The following DCTN4 variants were observed in gnomAD, a reference collection of about 807,000 sequenced individuals.
DCTN4 encodes dynactin 4 (p62).
Under a neutral mutation model 62.7 loss-of-function variants are expected in DCTN4, and 23 were observed. The observed-to-expected ratio is 0.37, with a 90% CI of 0.26 to 0.52. The LOEUF is 0.52. DCTN4 is among the 20% of genes least tolerant of loss of function. DCTN4 has a pLI of 0.92. For synonymous variants in DCTN4, 199 were observed against 202.1 expected, an observed-to-expected ratio of 0.98 and a Z score of 0.13; for missense variants, 514 against 580.4, an observed-to-expected ratio of 0.89 and a Z score of 1.18.
rs187542630 is a variant in DCTN4, at chr5:150,753,942, A to G, written c.207-285T>C. On this transcript the variant is annotated intron_variant, in intron 2 of 12. Coordinates refer to ENST00000447998, the MANE Select transcript of DCTN4 (RefSeq NM_016221.4). ...CCAGACTCTTTTTATGCTTATATTGATCACAAAGATTTCTGAGGAAGAGAA... is the reference window on the plus strand; with the variant it reads ...CCAGACTCTTTTTATGCTTATATTGGTCACAAAGATTTCTGAGGAAGAGAA... 6.6e-4 allele frequency among the ~76,000 whole-genome samples: 101 copies of G among 152,350 alleles called. 1 individual carries two copies. The highest frequency in any genetic ancestry group is 2.3e-3 in the African/African-American group (95 of 41,578).
intron 1 of DCTN4, chr5:150,758,617 A>G (rs1752949173): frequency 1.6e-6 from 2 of 1,259,590 alleles, no homozygotes; most frequent in Non-Finnish European, 2.0e-6. Flanking sequence ...ACGGTCCCTA[A>G]GTCAAGTTTG....
intron 3 of DCTN4, among the ~76,000 whole-genome samples, chr5:150,746,858 A>G (rs990640394): frequency 6.6e-6 from 1 of 152,206 alleles, no homozygotes; most frequent in African/African-American, 2.4e-5. Flanking sequence ...AACTGGAAGC[A>G]ATCCCTTTGA....
At position 150,742,271 on chromosome 5, in the gene DCTN4, A is replaced by C; in HGVS notation, c.386-114T>G. On this transcript the variant is annotated intron_variant, in intron 3 of 12. Transcript: ENST00000447998. ...ACTTAAAACATAAGTTATATAGACC[A>C]TTCTGGTCTATATAACTATAGACTA... The C allele has an allele frequency of 3.0e-6, 3 of 1,001,536 alleles. No homozygotes were observed. The South Asian group carries it at 3.9e-5, about 13-fold the overall frequency. The allele number at this position is 1,001,536 out of a possible 1,614,324, so 62.0% of individuals were successfully genotyped here. A position where few individuals can be genotyped will look rare whatever the true frequency, so the allele number is the denominator to read the frequency against.
chr5:150,718,878 G>A (rs563151117), intron 10 of DCTN4, among the ~76,000 whole-genome samples: 1 of 152,142 alleles, frequency 6.6e-6, no homozygotes, highest in African/African-American at 2.4e-5. Context: ...GAGTGCAGTG[G>A]CATGATCATG....
intron 5 of DCTN4, 177 bp from the exon 6 acceptor site, chr5:150,731,666 TTAAAA>T (rs1337313358): frequency 1.4e-5 from 9 of 641,174 alleles, no homozygotes; most frequent in East Asian, 5.4e-5. Flanking sequence ...TATTCTATTC[TTAAAA>T]TAATAACAGC....
intron 3 of DCTN4, among the ~76,000 whole-genome samples, chr5:150,746,992 T>C (rs1220998108): frequency 6.6e-6 from 1 of 152,008 alleles, no homozygotes; most frequent in East Asian, 1.9e-4. Flanking sequence ...AAAGAGGAAG[T>C]CAAATTGTCC....
intron 5 of DCTN4, chr5:150,731,746 G>A (rs1255052724): frequency 1.3e-6 from 1 of 785,316 alleles, no homozygotes; most frequent in Non-Finnish European, 2.1e-6. Context: ...GCTTCTGCTA[G>A]TAATCTAAAA....
intron 4 of DCTN4, 43 bp downstream of exon 4, chr5:150,742,071 T>G: frequency 1.3e-6 from 2 of 1,582,818 alleles, no homozygotes; most frequent in Non-Finnish European, 1.7e-6. Flanking sequence ...TTTACTCAAT[T>G]TTTTCCGATT....
intron 9 of DCTN4, 124 bp from the exon 10 acceptor site, chr5:150,719,894 A>G (rs1759897916): frequency 8.0e-6 from 5 of 624,934 alleles, no homozygotes; most frequent in Non-Finnish European, 1.1e-5. Flanking sequence ...AAAAAAAATA[A>G]TTTTAATGAA....
At chr5:150,738,803 A>G (rs1239899048) in intron 4 of DCTN4, among the ~76,000 whole-genome samples, 1 of 152,226 alleles carries the variant, frequency 6.6e-6, no homozygotes, top group Non-Finnish European at 1.5e-5. Context: ...CCAAATCAGT[A>G]AAGAGGAAGT....
In DCTN4 at chr5:150,747,944, T is replaced by A. The variant is rs1241139978; in HGVS notation, c.385+5535A>T. Among the ~76,000 whole-genome samples, 4 of 141,728 alleles carry A rather than the reference T, an allele frequency of 2.8e-5. No homozygotes were observed. The South Asian group carries it at 9.2e-4, about 33-fold the overall frequency. 93.0% of individuals were successfully genotyped at this position (141,728 alleles called of 152,430 possible). A position where few individuals can be genotyped will look rare whatever the true frequency, so the allele number is the denominator to read the frequency against. Reference sequence around the variant, plus strand: ...CAAAAGCCAAAATTGACAAATGGGATCTAATTAAACTAAAGAGCTTCTGCA... The same window carrying A: ...CAAAAGCCAAAATTGACAAATGGGAACTAATTAAACTAAAGAGCTTCTGCA... On this transcript the variant is annotated intron_variant, in intron 3 of 12. Transcript: ENST00000447998.
chr5:150,745,563 T>TA (rs1760930683), intron 3 of DCTN4, among the ~76,000 whole-genome samples: 1 of 151,940 alleles, frequency 6.6e-6, no homozygotes, highest in Admixed American at 6.6e-5. Context: ...TCAGCAAATG[T>TA]AAAATAACAG....
rs1759548359 is a variant in DCTN4 at position 150,711,199 on chromosome 5, T to C, written c.1333A>G (p.Ile445Val). The C allele has an allele frequency of 1.2e-6, 2 of 1,612,476 alleles. No individual in the cohort carries two copies. The highest frequency in any genetic ancestry group is 1.7e-6 in the Non-Finnish European group (2 of 1,180,038). The change falls in exon 13 of 13, where the codon ATC (isoleucine) becomes GTC (valine). Residue 445 changes from isoleucine to valine, a missense_variant. Ile to Val is a conservative substitution (Grantham distance 29). Transcript: ENST00000447998. The stretch of plus-strand genomic sequence containing the variant: ...AGTTCCACATGCTGGGTGAGCCAGA[T>C]GACTTCTGTTCCCTGGTCACTTTCT... ...IEESDQGTEV[I>V]WLTQHVELSL...
chr5:150,756,366 G>T, intron 2 of DCTN4, 51 bp downstream of exon 2: 1 of 1,346,740 alleles, frequency 7.4e-7, no homozygotes, highest in South Asian at 1.4e-5. Context: ...AGCTATTTTA[G>T]AGAACAGTCA....
At chr5:150,724,412 C>T (rs951668426) in intron 8 of DCTN4, among the ~76,000 whole-genome samples, 2 of 151,990 alleles carry the variant, frequency 1.3e-5, no homozygotes, top group African/African-American at 2.4e-5. Flanking sequence ...CTTTTCATTT[C>T]TTTATGGGTT....
At chr5:150,749,246 T>C (rs1752582720) in intron 3 of DCTN4, among the ~76,000 whole-genome samples, 2 of 152,194 alleles carry the variant, frequency 1.3e-5, no homozygotes, top group Non-Finnish European at 2.9e-5. Flanking sequence ...AGAACTCTTA[T>C]AACTCAGTTT....
In DCTN4 at chr5:150,711,125, G is replaced by A; in HGVS notation, c.*24C>T. On this transcript the variant is annotated 3_prime_UTR_variant, in exon 13 of 13. Coordinates refer to ENST00000447998, the MANE Select transcript of DCTN4 (RefSeq NM_016221.4). ...AGGTTTACGGTGATACTGTCCTTTGGGATCTGCCCTCCAGTGGAACCTTTT... is the reference window on the plus strand; with the variant it reads ...AGGTTTACGGTGATACTGTCCTTTGAGATCTGCCCTCCAGTGGAACCTTTT... The A allele has an allele frequency of 6.2e-7, 1 of 1,605,776 alleles. No individual in the cohort carries two copies. The highest frequency in any genetic ancestry group is 1.1e-5 in the South Asian group (1 of 90,796).
intron 3 of DCTN4, among the ~76,000 whole-genome samples, chr5:150,747,362 G>A (rs964087881): frequency 3.3e-5 from 5 of 152,150 alleles, no homozygotes; most frequent in African/African-American, 1.2e-4. Context: ...TGGCCATACT[G>A]CCCAAGGTAA....
intron 5 of DCTN4, 141 bp downstream of exon 5, chr5:150,733,227 G>A (rs933654101): frequency 1.8e-6 from 1 of 560,794 alleles, no homozygotes; most frequent in Admixed American, 3.5e-5. Context: ...CCTAACTATT[G>A]GACTTAAACG....
Sources: gnomAD v4.1 joint callset for allele counts (sites outside exome capture counted in the v4.1 genomes callset) on GRCh38, gnomAD v4.1.1 for gene constraint, MANE v1.5 for transcripts, NCBI Gene and HGNC (gene_info 2026-07-23, HGNC 2026-07-21) for gene names.